KSR1: variants seen among roughly 807,000 people sequenced by gnomAD.
The protein encoded by KSR1 is kinase suppressor of ras 1.
KSR1 carries 35 observed loss-of-function variants against 92.9 expected under a neutral mutation model. The ratio of observed to expected loss-of-function variants is 0.38; its 90% confidence interval spans 0.29 to 0.50. The LOEUF is 0.50. Ranked by LOEUF, KSR1 falls within the 20% of genes least tolerant of loss-of-function variation. KSR1 has a pLI of 0.94. For synonymous variants in KSR1, 467 were observed against 472.6 expected (o/e 0.99, Z 0.15); for missense variants, 972 against 1,158.5 (o/e 0.84, Z 2.34).
chr17:27,592,233 G>A (rs932213932), intron 7 of KSR1, 128 bp from the exon 8 acceptor site: 5 of 724,478 alleles, frequency 6.9e-6, no homozygotes, highest in Admixed American at 2.3e-5. Context: ...CTCTACTTTC[G>A]AGCTAACATT....
intron 1 of KSR1, among the ~76,000 whole-genome samples, chr17:27,510,574 C>A (rs1348311053): frequency 1.3e-5 from 2 of 152,172 alleles, no homozygotes; most frequent in Non-Finnish European, 2.9e-5. Context: ...GTGGCCTTAG[C>A]TTAAGGTAAT....
chr17:27,582,995 C>T lies in KSR1; in HGVS notation c.870C>T (p.Pro290=), dbSNP rs753946880. The T allele has an allele frequency of 3.1e-6, 5 of 1,609,192 alleles. No homozygotes were observed. Among genetic ancestry groups the T allele is most frequent in the Admixed American group, 1.7e-5 (1 of 59,610 alleles). Residue 290 remains proline, a synonymous_variant, in exon 4 of 21, where the codon CCC becomes CCT. Transcript: ENST00000644974. ...AGCTGAAGCCACCACGGACGCCCCC[C>T]CCACCCAGCCGCAAGGTCTTCCAGC... The part of the protein sequence containing the change: ...HTKLKPPRTP[P]PPSRKVFQLL...
chr17:27,526,836 G>T (rs1014023966), intron 1 of KSR1: 10 of 754,664 alleles, frequency 1.3e-5, no homozygotes, highest in Admixed American at 1.2e-4. Context: ...TCCTCCGGGG[G>T]GAGGGGTGGA....
Position 27,456,879 on chromosome 17 carries a change from G to C in KSR1, c.231+5G>C. ...CAGGAGATACGGACCCTGGAGGTAAGTGGGTCGGGGACCAGGCTGGGCTCG... is the reference window on the plus strand; with the variant it reads ...CAGGAGATACGGACCCTGGAGGTAACTGGGTCGGGGACCAGGCTGGGCTCG... On this transcript the variant is annotated splice_donor_5th_base_variant and intron_variant, in intron 1 of 20. Transcript: ENST00000644974. The C allele has an allele frequency of 1.2e-6, 1 of 868,702 alleles. No individual in the cohort carries two copies. Among genetic ancestry groups the C allele is most frequent in the African/African-American group, 1.6e-5 (1 of 60,962 alleles). The allele number at this position is 868,702 out of a possible 1,614,324, so 53.8% of individuals were successfully genotyped here.
At chr17:27,603,761 G>A (rs2073650661) in intron 11 of KSR1, 73 bp from the exon 12 acceptor site, 2 of 1,502,130 alleles carry the variant, frequency 1.3e-6, no homozygotes, top group African/African-American at 1.4e-5. Context: ...GGGGTGCTGG[G>A]TTTCAAGCAC....
intron 1 of KSR1, among the ~76,000 whole-genome samples, chr17:27,501,615 A>G (rs1029670221): frequency 4.6e-5 from 7 of 152,164 alleles, no homozygotes; most frequent in Admixed American, 1.3e-4. Context: ...AGCTCCAGCA[A>G]TGACTAAACA....
chr17:27,530,713 GA>G (rs1471448914), intron 1 of KSR1, among the ~76,000 whole-genome samples: 2 of 152,194 alleles, frequency 1.3e-5, no homozygotes, highest in Non-Finnish European at 2.9e-5. Context: ...CAGAAAAGTA[GA>G]AGGAAGAAAA....
At chr17:27,515,230 C>T (rs1001841727) in intron 1 of KSR1, among the ~76,000 whole-genome samples, 18 of 152,070 alleles carry the variant, frequency 1.2e-4, no homozygotes, top group African/African-American at 3.9e-4. Flanking sequence ...AGTCATGTGC[C>T]GCATTGTCAA....
chr17:27,611,679 G>T, intron 18 of KSR1, 50 bp downstream of exon 18: 1 of 1,608,058 alleles, frequency 6.2e-7, no homozygotes, highest in South Asian at 1.1e-5. Context: ...GGTGGGGTGG[G>T]GCATGTGGCA....
chr17:27,494,323 G>A lies in KSR1; in HGVS notation c.231+37449G>A, dbSNP rs573112299. ...GGGCAAGCACCCAGATTAGAGATGT[G>A]TAAAGTGCAGTTTTGTCTTGCAGTC... On this transcript the variant is annotated intron_variant, in intron 1 of 20. Coordinates refer to ENST00000644974, the MANE Select transcript of KSR1 (RefSeq NM_001394583.1). 9.2e-5 allele frequency among the ~76,000 whole-genome samples: 14 copies of A among 152,216 alleles called. No homozygotes were observed. The South Asian group carries it at 2.7e-3, about 29-fold the overall frequency.
intron 1 of KSR1, among the ~76,000 whole-genome samples, chr17:27,524,891 A>G (rs1436411569): frequency 6.6e-6 from 1 of 152,128 alleles, no homozygotes; most frequent in Non-Finnish European, 1.5e-5. Context: ...GCAGGGTTAT[A>G]TTACATTATG....
intron 1 of KSR1, among the ~76,000 whole-genome samples, chr17:27,533,054 T>G (rs950042371): frequency 7.2e-5 from 11 of 152,166 alleles, no homozygotes; most frequent in African/African-American, 2.2e-4. Context: ...ATTGGCCTGA[T>G]GGACAGTAGG....
chr17:27,597,387 G>T lies in KSR1; in HGVS notation c.1419G>T (p.Thr473=). The change falls in exon 10 of 21, where the codon ACG becomes ACT. Residue 473 remains threonine, a synonymous_variant. Transcript: ENST00000644974. ...PTSSNPSSAT[T]PPNPSPGQRD... ...CATCCAACCCATCCAGCGCCACCAC[G>T]CCCCCCAACCCCTCACCTGGCCAGC... 1 of 1,612,988 alleles carries T rather than the reference G, an allele frequency of 6.2e-7. No individual in the cohort carries two copies.
intron 1 of KSR1, among the ~76,000 whole-genome samples, chr17:27,492,131 GGAGGAGAC>G (rs1282826160): frequency 1.3e-5 from 2 of 152,168 alleles, no homozygotes; most frequent in Non-Finnish European, 2.9e-5. Context: ...GTGGGAGGAG[GGAGGAGAC>G]GAGGAGAGTG....
chr17:27,611,997 G>C (rs927109842), intron 18 of KSR1, among the ~76,000 whole-genome samples: 1 of 151,942 alleles, frequency 6.6e-6, no homozygotes, highest in African/African-American at 2.4e-5. Flanking sequence ...ACAAATAGTT[G>C]TGCTATGCTG....
chr17:27,538,984 G>C (rs565527866), intron 1 of KSR1, among the ~76,000 whole-genome samples: 1 of 152,302 alleles, frequency 6.6e-6, no homozygotes, highest in East Asian at 1.9e-4. Context: ...GTGCATATAG[G>C]TCAGAGTTTA....
At chr17:27,502,880 C>G (rs914065302) in intron 1 of KSR1, among the ~76,000 whole-genome samples, 2 of 152,178 alleles carry the variant, frequency 1.3e-5, no homozygotes, top group Non-Finnish European at 2.9e-5. Flanking sequence ...CCTGGCTGTT[C>G]CCATCACTTC....
intron 9 of KSR1, among the ~76,000 whole-genome samples, chr17:27,596,430 C>T (rs2073347725): frequency 6.6e-6 from 1 of 152,214 alleles, no homozygotes; most frequent in South Asian, 2.1e-4. Context: ...CCATGGCAAG[C>T]ACTGGTTGAT....
intron 2 of KSR1, among the ~76,000 whole-genome samples, chr17:27,571,300 G>A (rs761204271): frequency 2.0e-5 from 3 of 152,194 alleles, no homozygotes; most frequent in Non-Finnish European, 4.4e-5. Flanking sequence ...CCCTTCCTGT[G>A]CCTCCCAGAA....
Sources: allele counts gnomAD v4.1 joint callset (sites outside exome capture counted in the v4.1 genomes callset), GRCh38; gene constraint gnomAD v4.1.1; transcripts MANE v1.5; gene names NCBI Gene and HGNC (gene_info 2026-07-23, HGNC 2026-07-21).